The following CSMD3 variants were observed in gnomAD, a reference collection of about 807,000 sequenced individuals.
CSMD3 encodes the protein CUB and sushi domain-containing protein 3.
In CSMD3, 177 loss-of-function variants were observed where a neutral mutation model predicts 435.2. The observed-to-expected ratio is 0.41, with a 90% CI of 0.36 to 0.46. The LOEUF (loss-of-function observed/expected upper bound fraction) is 0.46, where lower values mean the gene tolerates loss of function less well. Among genes scored for constraint, CSMD3 ranks in the 20% least tolerant of loss-of-function variants. The pLI is 0.34. For missense variants in CSMD3, 4,265 were observed against 4,504.6 expected (o/e 0.95, Z 1.52); for synonymous variants, 1,656 against 1,520.5 (o/e 1.09, Z -2.07).
intron 29 of CSMD3, among the ~76,000 whole-genome samples, chr8:112,505,542 T>G (rs1301652635): frequency 6.6e-6 from 1 of 152,112 alleles, no homozygotes; most frequent in Admixed American, 6.5e-5. Flanking sequence ...AAAGCTTATT[T>G]AACAATGGAA....
chr8:113,096,450 T>C (rs1192743762), intron 5 of CSMD3, among the ~76,000 whole-genome samples: 1 of 152,142 alleles, frequency 6.6e-6, no homozygotes, highest in Non-Finnish European at 1.5e-5. Flanking sequence ...CCTCCACTGC[T>C]ATTTTCTTAT....
rs1429088981 is a variant in CSMD3 at position 112,859,220 on chromosome 8, T to C, written c.1680A>G (p.Thr560=). The C allele has an allele frequency of 6.2e-7, 1 of 1,611,270 alleles. No individual in the cohort carries two copies. The highest frequency in any genetic ancestry group is 8.5e-7 in the Non-Finnish European group (1 of 1,177,810). Residue 560 remains threonine, a synonymous_variant, in exon 11 of 71, where the codon ACA becomes ACG. Coordinates refer to ENST00000297405, the MANE Select transcript of CSMD3 (RefSeq NM_198123.2). The part of the protein sequence containing the change: ...SNLQGPSGTF[T]SPNFPFQYDS... Reference sequence around the variant, plus strand: ...CATACTGGAACGGAAAGTTGGGAGATGTAAAGGTACCACTTGGTCCTTGAA... The same window carrying C: ...CATACTGGAACGGAAAGTTGGGAGACGTAAAGGTACCACTTGGTCCTTGAA...
chr8:112,884,840 G>A (rs2081546989), intron 10 of CSMD3, among the ~76,000 whole-genome samples: 1 of 151,774 alleles, frequency 6.6e-6, no homozygotes, highest in Non-Finnish European at 1.5e-5. Flanking sequence ...TATAATAGAT[G>A]ATTGTTTTTA....
At chr8:112,977,858 T>G (rs1249203107) in intron 6 of CSMD3, among the ~76,000 whole-genome samples, 1 of 152,082 alleles carries the variant, frequency 6.6e-6, no homozygotes, top group East Asian at 1.9e-4. Flanking sequence ...TAAATCAGGT[T>G]GCAATATTTA....
rs28420474 is a variant in CSMD3 at position 112,272,353 on chromosome 8, C to T, written c.9509-6763G>A. 8.6e-4 allele frequency among the ~76,000 whole-genome samples: 131 copies of T among 152,164 alleles called. 1 individual carries two copies. The highest frequency in any genetic ancestry group is 3.1e-3 in the African/African-American group (129 of 41,520). On this transcript the variant is annotated intron_variant, in intron 59 of 70. Transcript: ENST00000297405. ...TCAAATTCATATAGTAACTGGCATA[C>T]ATCAAATAATTTATTTCAAATTCAT...
At chr8:113,273,544 G>A (rs1441430239) in intron 3 of CSMD3, among the ~76,000 whole-genome samples, 3 of 152,126 alleles carry the variant, frequency 2.0e-5, no homozygotes, top group Admixed American at 2.0e-4. Flanking sequence ...TATGCTACCT[G>A]CCTATTAGAT....
intron 3 of CSMD3, among the ~76,000 whole-genome samples, chr8:113,220,182 T>C (rs2092950556): frequency 6.6e-6 from 1 of 151,392 alleles, no homozygotes; most frequent in Non-Finnish European, 1.5e-5. Flanking sequence ...ACAGAAGTCA[T>C]AGATCCGTTT....
At chr8:112,842,757 C>G (rs2080216794) in intron 11 of CSMD3, among the ~76,000 whole-genome samples, 1 of 151,492 alleles carries the variant, frequency 6.6e-6, no homozygotes, top group Admixed American at 6.6e-5. Flanking sequence ...ATTTTAGCAT[C>G]AAGAATGTAA....
chr8:112,862,674 A>C (rs2080859163), intron 10 of CSMD3, among the ~76,000 whole-genome samples: 1 of 152,110 alleles, frequency 6.6e-6, no homozygotes, highest in African/African-American at 2.4e-5. Context: ...GCAAAATCTC[A>C]GTGGCTTACA....
chr8:112,429,541 G>A (rs1440892575), intron 32 of CSMD3, among the ~76,000 whole-genome samples: 1 of 152,044 alleles, frequency 6.6e-6, no homozygotes, highest in African/African-American at 2.4e-5. Flanking sequence ...ACCCCAGAGT[G>A]TGGCAGGACA....
At chr8:112,543,632 C>T (rs529587520) in intron 27 of CSMD3, among the ~76,000 whole-genome samples, 29 of 152,048 alleles carry the variant, frequency 1.9e-4, no homozygotes, top group South Asian at 4.2e-4. Context: ...TTGGTGGGAA[C>T]GCAAAATGGT....
At chr8:112,896,337 T>G (rs2081949447) in intron 10 of CSMD3, among the ~76,000 whole-genome samples, 1 of 151,414 alleles carries the variant, frequency 6.6e-6, no homozygotes, top group Non-Finnish European at 1.5e-5. Flanking sequence ...AGCTGCCCGA[T>G]AGATATGAAG....
At chr8:112,294,862 C>A (rs1362227289) in intron 54 of CSMD3, among the ~76,000 whole-genome samples, 1 of 151,952 alleles carries the variant, frequency 6.6e-6, no homozygotes, top group Non-Finnish European at 1.5e-5. Context: ...GTAAACAGTG[C>A]TTTAAAATAA....
At chr8:112,980,546 A>T (rs2085012833) in intron 6 of CSMD3, among the ~76,000 whole-genome samples, 2 of 151,612 alleles carry the variant, frequency 1.3e-5, no homozygotes, top group Middle Eastern at 3.4e-3. Context: ...ACCAACATAA[A>T]GTCTAAATAC....
intron 3 of CSMD3, among the ~76,000 whole-genome samples, chr8:113,184,768 A>G (rs545016035): frequency 3.3e-5 from 5 of 152,036 alleles, no homozygotes; most frequent in Non-Finnish European, 4.4e-5. Context: ...TGTGGTCTCC[A>G]CAAACCTATA....
chr8:113,048,674 G>T (rs1024177849), intron 5 of CSMD3, among the ~76,000 whole-genome samples: 3 of 152,080 alleles, frequency 2.0e-5, no homozygotes, highest in African/African-American at 7.2e-5. Context: ...TGCGTGTCAG[G>T]TAGGCTCATT....
chr8:112,737,339 C>G (rs1171462206), intron 13 of CSMD3, among the ~76,000 whole-genome samples: 1 of 151,908 alleles, frequency 6.6e-6, no homozygotes, highest in Non-Finnish European at 1.5e-5. Context: ...TTGGAACAAT[C>G]CAAACTAGAG....
At chr8:112,569,559 C>T (rs1038552716) in intron 24 of CSMD3, among the ~76,000 whole-genome samples, 2 of 152,036 alleles carry the variant, frequency 1.3e-5, no homozygotes, top group African/African-American at 4.8e-5. Context: ...TTTATCTCAG[C>T]CAAATGCAGT....
intron 22 of CSMD3, among the ~76,000 whole-genome samples, chr8:112,591,132 A>G (rs979646950): frequency 1.3e-5 from 2 of 152,144 alleles, no homozygotes. Flanking sequence ...TGCAATTTCC[A>G]GTGTACACAT....
Sources: gnomAD v4.1 joint callset for allele counts (sites outside exome capture counted in the v4.1 genomes callset) on GRCh38, gnomAD v4.1.1 for gene constraint, MANE v1.5 for transcripts, NCBI Gene and HGNC (gene_info 2026-07-23, HGNC 2026-07-21) for gene names.